Variants in STAP2 observed in about 807,000 individuals in gnomAD.
The protein encoded by STAP2 is signal-transducing adaptor protein 2.
In STAP2, 58 loss-of-function variants were observed where a neutral mutation model predicts 52.7. That is an observed-to-expected ratio of 1.10 (90% CI 0.89 to 1.37). STAP2 has a LOEUF of 1.37. Ranked by LOEUF, STAP2 falls within the 40% of genes most tolerant of loss-of-function variation. The pLI is 0.00. For synonymous variants in STAP2, 231 were observed against 210.5 expected (o/e 1.10, Z -0.84); for missense variants, 522 against 519.4 (o/e 1.00, Z -0.05).
rs764978304 is a variant in STAP2, at chr19:4,325,540, C to G, written c.835G>C (p.Ala279Pro). The change falls in exon 10 of 13, where the codon GCA becomes CCA. Residue 279 changes from alanine to proline, a missense_variant. Ala to Pro is a conservative substitution (Grantham distance 27). Coordinates refer to ENST00000594605, the MANE Select transcript of STAP2 (RefSeq NM_001013841.2). ...VAPSAPGPGP[A>P]PCTGGPKPLS... ...GGCTTGGGGCCACCTGTGCAGGGTG[C>G]AGGACCTGATGGGGAAACGTGGTCA... is the stretch of plus-strand genomic sequence containing the variant. The G allele has an allele frequency of 6.3e-7, 1 of 1,582,552 alleles. No individual in the cohort carries two copies. Among genetic ancestry groups the G allele is most frequent in the South Asian group, 1.2e-5 (1 of 85,578 alleles).
intron 9 of STAP2, 46 bp from the exon 10 acceptor site, chr19:4,325,591 A>C: frequency 2.0e-6 from 3 of 1,528,686 alleles, no homozygotes; most frequent in Non-Finnish European, 2.6e-6. Flanking sequence ...TCATACAGGG[A>C]CACCTTGCAG....
At position 4,325,466 on chromosome 19, in the gene STAP2, TAGTGGGGGC is replaced by T; in HGVS notation, c.900_908del (p.Pro302_Pro304del). 7 of 1,613,846 alleles carry T rather than the reference TAGTGGGGGC, an allele frequency of 4.3e-6. No homozygotes were observed. Among genetic ancestry groups the T allele is most frequent in the Non-Finnish European group, 5.9e-6 (7 of 1,179,898 alleles). On this transcript the variant is annotated inframe_deletion, in exon 10 of 13. Coordinates refer to ENST00000594605, the MANE Select transcript of STAP2 (RefSeq NM_001013841.2). The stretch of plus-strand genomic sequence containing the variant: ...TCACGTAGTTCTCTTCCTGGTTCGG[TAGTGGGGGC>T]AGTGGGGGCAGCTTGTCCTGGCTAG...
intron 6 of STAP2, 59 bp downstream of exon 6, chr19:4,328,616 C>G (rs1971834960): frequency 6.5e-7 from 1 of 1,538,874 alleles, no homozygotes; most frequent in African/African-American, 1.4e-5. Context: ...ACCACGCCCC[C>G]GCGCCCACCC....
At chr19:4,324,229 C>T (rs1346587932) in intron 12 of STAP2, 32 bp from the exon 13 acceptor site, 4 of 1,548,182 alleles carry the variant, frequency 2.6e-6, no homozygotes, top group Non-Finnish European at 3.5e-6. Flanking sequence ...CTGCAGCTGG[C>T]TCAGGGATCC....
chr19:4,334,032 A>G lies in STAP2; in HGVS notation c.115T>C (p.Phe39Leu), dbSNP rs1287768497. The change falls in exon 2 of 13, where the codon TTC (phenylalanine) becomes CTC (leucine). Residue 39 changes from phenylalanine to leucine, a missense_variant. Transcript: ENST00000594605. ...KGPCDRDYKK[F>L]WAGLQGLTIY... ...GTGAGACCCTGCAGGCCTGCCCAGAACTTCTTGTAATCCTAGGGACCAGAA... is the reference window on the plus strand; with the variant it reads ...GTGAGACCCTGCAGGCCTGCCCAGAGCTTCTTGTAATCCTAGGGACCAGAA... 3 of 1,610,896 alleles carry G rather than the reference A, an allele frequency of 1.9e-6. No homozygotes were observed. The highest frequency in any genetic ancestry group is 1.3e-5 in the African/African-American group (1 of 74,680).
chr19:4,332,193 CTTCTTTTTTTTTTTTTT>C, intron 3 of STAP2, 115 bp from the exon 4 acceptor site: 1 of 317,082 alleles, frequency 3.2e-6, no homozygotes, highest in Non-Finnish European at 4.9e-6. Flanking sequence ...TTTTCTTTTT[CTTCTTTTTTTTTTTTTT>C]TTTTTTTTTT....
intron 9 of STAP2, among the ~76,000 whole-genome samples, chr19:4,326,348 T>C (rs1971792636): frequency 6.6e-6 from 1 of 152,196 alleles, no homozygotes; most frequent in South Asian, 2.1e-4. Context: ...CACAGTTGCA[T>C]GGATCATGCA....
chr19:4,324,612 A>C (rs1971753693), intron 11 of STAP2, 83 bp from the exon 12 acceptor site: 56 of 1,439,548 alleles, frequency 3.9e-5, no homozygotes, highest in Non-Finnish European at 5.2e-5. Context: ...TGGGTGGATC[A>C]CTTGAGGTCA....
At chr19:4,329,867 CAACTCCAGGGGA>C in intron 5 of STAP2, 82 bp downstream of exon 5, 1 of 804,264 alleles carries the variant, frequency 1.2e-6, no homozygotes, top group Non-Finnish European at 2.0e-6. Context: ...ATCCAAGACC[CAACTCCAGGGGA>C]CCCAACTCAC....
At position 4,328,611 on chromosome 19, in the gene STAP2, GC is replaced by G. The variant is rs1971834912; in HGVS notation, c.590+63del. Reference sequence around the variant, plus strand: ...GGACTCCGCCCCTGCTTCTGACCACGCCCCCGCGCCCACCCTCTTCCCACCC... The same window carrying G: ...GGACTCCGCCCCTGCTTCTGACCACGCCCCGCGCCCACCCTCTTCCCACCC... On this transcript the variant is annotated intron_variant, in intron 6 of 12. Transcript: ENST00000594605. 18 of 1,531,472 alleles carry G rather than the reference GC, an allele frequency of 1.2e-5. No individual in the cohort carries two copies. In the South Asian group the frequency reaches 1.8e-4, roughly 15 times the overall value. The allele number at this position is 1,531,472 out of a possible 1,614,324, so 94.9% of individuals were successfully genotyped here. A position where few individuals can be genotyped will look rare whatever the true frequency, so the allele number is the denominator to read the frequency against.
intron 9 of STAP2, 110 bp from the exon 10 acceptor site, chr19:4,325,655 T>A: frequency 1.5e-6 from 2 of 1,292,008 alleles, no homozygotes; most frequent in Non-Finnish European, 2.1e-6. Context: ...TCCCTGTGTG[T>A]CTGTGTGTGT....
In STAP2 at chr19:4,332,017, C is replaced by T; in HGVS notation, c.354+5G>A. 6.2e-7 allele frequency: 1 copy of T among 1,612,864 alleles called. No individual in the cohort carries two copies. The highest frequency in any genetic ancestry group is 8.5e-7 in the Non-Finnish European group (1 of 1,179,574). ...AGAGAGGGCGCAGAGAGCCACTACT[C>T]TTACCTCCACCACCGTTAAGATGAA... On this transcript the variant is annotated splice_donor_5th_base_variant and intron_variant, in intron 4 of 12. Transcript: ENST00000594605.
intron 1 of STAP2, among the ~76,000 whole-genome samples, chr19:4,337,483 C>T (rs1568389658): frequency 6.7e-6 from 1 of 149,214 alleles, no homozygotes. Context: ...CCACCTGCCT[C>T]AGCCTCCCTA....
rs1483847164 is a variant in STAP2, at chr19:4,327,187, C to T, written c.700G>A (p.Val234Met). The part of the protein sequence containing the change: ...TSLDAVVNYF[V>M]SHTKKALVPF... ...ACCAGCGCCTTTTTGGTATGCGACA[C>T]GAAATAGTTGACCACGGCGTCCAGG... Residue 234 changes from valine to methionine, a missense_variant, in exon 8 of 13, where the codon GTG (valine) becomes ATG (methionine). Transcript: ENST00000594605. 6.2e-7 allele frequency: 1 copy of T among 1,614,148 alleles called. No individual in the cohort carries two copies. The highest frequency in any genetic ancestry group is 1.7e-5 in the Admixed American group (1 of 60,030).
chr19:4,335,732 TTGTC>T (rs1971971510), intron 1 of STAP2, among the ~76,000 whole-genome samples: 1 of 152,146 alleles, frequency 6.6e-6, no homozygotes, highest in South Asian at 2.1e-4. Context: ...TGAGCTGTCT[TTGTC>T]TGTTTCCCCA....
intron 11 of STAP2, 75 bp downstream of exon 11, chr19:4,325,136 CAAAAA>C (rs5826839): frequency 2.8e-5 from 31 of 1,090,152 alleles, no homozygotes; most frequent in African/African-American, 3.5e-5. Context: ...GAGACTGTCT[CAAAAA>C]AAAAAAAAAA....
intron 4 of STAP2, among the ~76,000 whole-genome samples, chr19:4,330,561 A>G (rs1971873071): frequency 6.7e-6 from 1 of 150,360 alleles, no homozygotes; most frequent in South Asian, 2.1e-4. Flanking sequence ...AAAAAAGTAG[A>G]TGCTGGAATC....
intron 5 of STAP2, 164 bp from the exon 6 acceptor site, chr19:4,328,973 G>T: frequency 2.2e-6 from 2 of 923,330 alleles, no homozygotes; most frequent in Non-Finnish European, 3.1e-6. Flanking sequence ...ACCCAGTCCG[G>T]CCTTCCAGGC....
intron 3 of STAP2, among the ~76,000 whole-genome samples, chr19:4,333,407 A>G (rs1971924952): frequency 1.3e-5 from 2 of 151,950 alleles, no homozygotes; most frequent in Admixed American, 6.6e-5. Flanking sequence ...GAGGCAGGAG[A>G]ATCACTTGAA....
Sources: allele counts gnomAD v4.1 joint callset (sites outside exome capture counted in the v4.1 genomes callset), GRCh38; gene constraint gnomAD v4.1.1; transcripts MANE v1.5; gene names NCBI Gene and HGNC (gene_info 2026-07-23, HGNC 2026-07-21).